TMEM131: variants seen among roughly 807,000 people sequenced by gnomAD.
TMEM131 encodes the protein 2610524E03Rik.
TMEM131 carries 66 observed loss-of-function variants against 211.6 expected under a neutral mutation model. The ratio of observed to expected loss-of-function variants is 0.31; its 90% CI spans 0.26 to 0.38. The LOEUF (loss-of-function observed/expected upper bound fraction) is 0.38, where lower values mean the gene tolerates loss of function less well. Among genes scored for constraint, TMEM131 ranks in the 10% least tolerant of loss-of-function variants. TMEM131 has a pLI of 1.00. For synonymous variants in TMEM131, 844 were observed against 841.3 expected (o/e 1.00, Z -0.06); for missense variants, 2,036 against 2,299.3 (o/e 0.89, Z 2.34).
intron 3 of TMEM131, among the ~76,000 whole-genome samples, chr2:97,903,432 G>A (rs1675939169): frequency 6.6e-6 from 1 of 152,160 alleles, no homozygotes; most frequent in African/African-American, 2.4e-5. Context: ...CGCAATAACT[G>A]TTCCAGGCAA....
intron 36 of TMEM131, 42 bp from the exon 37 acceptor site, chr2:97,760,956 G>C (rs1678808060): frequency 1.2e-6 from 2 of 1,610,522 alleles, no homozygotes; most frequent in South Asian, 2.2e-5. Flanking sequence ...CTCATCAGCA[G>C]TGCCCTGTCT....
intron 4 of TMEM131, among the ~76,000 whole-genome samples, chr2:97,879,203 G>A (rs61228852): frequency 0.018 from 2,674 of 152,260 alleles, 112 homozygotes; most frequent in East Asian, 0.15. Flanking sequence ...AGCAGTCAGC[G>A]AATTTCTTCC....
intron 10 of TMEM131, 49 bp from the exon 11 acceptor site, chr2:97,833,475 C>A (rs1259647384): frequency 2.3e-6 from 2 of 863,236 alleles, no homozygotes; most frequent in Non-Finnish European, 1.8e-6. Flanking sequence ...TGCTTTTTAG[C>A]CAAGTTAGAA....
chr2:97,785,419 T>C (rs1196329960), intron 31 of TMEM131, among the ~76,000 whole-genome samples: 1 of 152,218 alleles, frequency 6.6e-6, no homozygotes, highest in Non-Finnish European at 1.5e-5. Context: ...CATGAAAATA[T>C]ATTCAATATC....
At chr2:97,853,608 A>AG (rs1491527395) in intron 5 of TMEM131, among the ~76,000 whole-genome samples, 1 of 37,356 alleles carries the variant, frequency 2.7e-5, no homozygotes, top group Non-Finnish European at 7.6e-5. Flanking sequence ...CCCGTCTTGG[A>AG]AAAAAAAAAA....
chr2:97,940,346 A>G (rs1677659221), intron 1 of TMEM131, among the ~76,000 whole-genome samples: 1 of 152,238 alleles, frequency 6.6e-6, no homozygotes, highest in African/African-American at 2.4e-5. Context: ...ATCAATGTGC[A>G]AAAATCACAA....
At chr2:97,886,747 G>A (rs1240037676) in intron 4 of TMEM131, among the ~76,000 whole-genome samples, 2 of 152,180 alleles carry the variant, frequency 1.3e-5, no homozygotes, top group African/African-American at 4.8e-5. Flanking sequence ...AGCAGCACAA[G>A]CACGTGTTTA....
intron 2 of TMEM131, chr2:97,911,548 C>T (rs1203621382): frequency 1.2e-6 from 1 of 807,996 alleles, no homozygotes; most frequent in East Asian, 1.2e-4. Context: ...CACTCATGTG[C>T]ACTTTCTTGA....
chr2:97,945,392 C>T (rs778787019), intron 1 of TMEM131, among the ~76,000 whole-genome samples: 2 of 152,010 alleles, frequency 1.3e-5, no homozygotes, highest in Non-Finnish European at 2.9e-5. Context: ...TTGTACAAGT[C>T]TATGAGTATA....
chr2:97,890,207 T>G (rs1229762763), intron 3 of TMEM131, among the ~76,000 whole-genome samples: 2 of 152,204 alleles, frequency 1.3e-5, no homozygotes, highest in Non-Finnish European at 2.9e-5. Flanking sequence ...TAGCATGATC[T>G]GACACATATC....
chr2:97,990,115 T>C (rs1680195795), intron 1 of TMEM131, among the ~76,000 whole-genome samples: 1 of 152,176 alleles, frequency 6.6e-6, no homozygotes, highest in South Asian at 2.1e-4. Flanking sequence ...CAGAAGGCAA[T>C]ATTGCTTAAC....
intron 11 of TMEM131, among the ~76,000 whole-genome samples, chr2:97,825,658 C>A (rs1190487434): frequency 6.6e-6 from 1 of 152,210 alleles, no homozygotes; most frequent in African/African-American, 2.4e-5. Context: ...CAGGACAACA[C>A]TTCTCTTTAT....
intron 5 of TMEM131, among the ~76,000 whole-genome samples, chr2:97,847,024 C>T (rs1332585754): frequency 8.0e-6 from 1 of 124,472 alleles, no homozygotes; most frequent in African/African-American, 3.1e-5. Context: ...ACTAAAAACA[C>T]AAAAATTAGT....
At chr2:97,944,406 C>T (rs1176557132) in intron 1 of TMEM131, among the ~76,000 whole-genome samples, 1 of 152,166 alleles carries the variant, frequency 6.6e-6, no homozygotes. Flanking sequence ...ATCTTCATAA[C>T]CTCTGATGAG....
rs1468646630 is a variant in TMEM131, at chr2:97,941,688, A to C, written c.188-14201T>G. Among the ~76,000 whole-genome samples, 3 of 152,260 alleles carry C rather than the reference A, an allele frequency of 2.0e-5. No homozygotes were observed. The East Asian group carries it at 5.8e-4, about 29-fold the overall frequency. ...AGGATATGAACAGGCACTTCTCAAAAGAAGACACTTATGCAGCCAACAGAT... is the reference window on the plus strand; with the variant it reads ...AGGATATGAACAGGCACTTCTCAAACGAAGACACTTATGCAGCCAACAGAT... On this transcript the variant is annotated intron_variant, in intron 1 of 40. Coordinates refer to ENST00000186436, the MANE Select transcript of TMEM131 (RefSeq NM_015348.2).
At chr2:97,791,220 T>C (rs965754094) in intron 31 of TMEM131, among the ~76,000 whole-genome samples, 4 of 152,238 alleles carry the variant, frequency 2.6e-5, no homozygotes, top group Admixed American at 6.5e-5. Flanking sequence ...TACCTATTTG[T>C]GTGTGGTGCA....
chr2:97,801,092 C>T (rs1392086020), intron 25 of TMEM131, among the ~76,000 whole-genome samples: 1 of 152,198 alleles, frequency 6.6e-6, no homozygotes, highest in Non-Finnish European at 1.5e-5. Flanking sequence ...GGAAAGAATA[C>T]AGTATTTCAA....
chr2:97,902,793 G>A (rs1381813603), intron 3 of TMEM131, among the ~76,000 whole-genome samples: 1 of 152,148 alleles, frequency 6.6e-6, no homozygotes, highest in Non-Finnish European at 1.5e-5. Flanking sequence ...AATCTAATCA[G>A]CTTCCAGCAA....
chr2:97,805,653 C>T lies in TMEM131; in HGVS notation c.2106G>A (p.Lys702=). The T allele has an allele frequency of 6.2e-7, 1 of 1,609,188 alleles. No individual in the cohort carries two copies. The highest frequency in any genetic ancestry group is 8.5e-7 in the Non-Finnish European group (1 of 1,176,654). Residue 702 remains lysine, a synonymous_variant, in exon 20 of 41, where the codon AAG becomes AAA. Coordinates refer to ENST00000186436, the MANE Select transcript of TMEM131 (RefSeq NM_015348.2). ...SLNIMNSFSQ[K]VKIQQIRSLS... ...AAGATCGTATTTGCTGTATTTTTAC[C>T]TTCTGTGAGAAGGAATTCATAATAT... is the stretch of plus-strand genomic sequence containing the variant.
Sources: allele counts gnomAD v4.1 joint callset (sites outside exome capture counted in the v4.1 genomes callset), GRCh38; gene constraint gnomAD v4.1.1; transcripts MANE v1.5; gene names NCBI Gene and HGNC (gene_info 2026-07-23, HGNC 2026-07-21).